Variants in CHRM3 observed in about 807,000 individuals in gnomAD.
The protein encoded by CHRM3 is cholinergic receptor muscarinic 3.
CHRM3 carries 11 observed loss-of-function variants against 41.8 expected under a neutral mutation model. That is an observed-to-expected ratio of 0.26 (90% CI 0.17 to 0.44). CHRM3 has a LOEUF of 0.44. Ranked by LOEUF, CHRM3 falls within the 20% of genes least tolerant of loss-of-function variation. The probability of loss-of-function intolerance (pLI) is 1.00; values close to 1 mark genes in which losing one functional copy is unlikely to be tolerated. For synonymous variants in CHRM3, 297 were observed against 301.4 expected (o/e 0.99, Z 0.15); for missense variants, 571 against 745.4 (o/e 0.77, Z 2.72).
chr1:239,774,440 G>C lies in CHRM3; in HGVS notation c.-146-52812G>C, dbSNP rs374094876. On this transcript the variant is annotated intron_variant, in intron 5 of 6. Coordinates refer to ENST00000676153, the MANE Select transcript of CHRM3 (RefSeq NM_001375978.1). ...CATGAAAGCCAATTAGTCTTTCAATGTGGGGAAAAGAAAGATTTTTATAAT... is the reference window on the plus strand; with the variant it reads ...CATGAAAGCCAATTAGTCTTTCAATCTGGGGAAAAGAAAGATTTTTATAAT... Among the ~76,000 whole-genome samples the C allele has an allele frequency of 4.6e-5, 7 of 152,278 alleles. No homozygotes were observed. The South Asian group carries it at 8.3e-4, about 18-fold the overall frequency.
intron 1 of CHRM3, among the ~76,000 whole-genome samples, chr1:239,491,665 G>A (rs1001741503): frequency 3.3e-5 from 5 of 152,160 alleles, no homozygotes; most frequent in African/African-American, 7.2e-5. Flanking sequence ...GATGTCTCTC[G>A]GACATACTGA....
intron 1 of CHRM3, among the ~76,000 whole-genome samples, chr1:239,419,825 G>A (rs894245867): frequency 6.6e-6 from 1 of 152,124 alleles, no homozygotes; most frequent in African/African-American, 2.4e-5. Flanking sequence ...AGAGCTTCTC[G>A]AGGGAACCAT....
chr1:239,704,863 A>G (rs1264827012), intron 5 of CHRM3: 1 of 152,226 alleles, frequency 6.6e-6, no homozygotes, highest in African/African-American at 2.4e-5. Flanking sequence ...ATAATCATAA[A>G]TTCTATAGGC....
chr1:239,779,994 T>A (rs1183498474), intron 5 of CHRM3, among the ~76,000 whole-genome samples: 3 of 152,234 alleles, frequency 2.0e-5, no homozygotes, highest in African/African-American at 7.2e-5. Flanking sequence ...TTGAATAATA[T>A]TCCATTGTAC....
intron 5 of CHRM3, among the ~76,000 whole-genome samples, chr1:239,763,295 A>G (rs944467512): frequency 5.3e-5 from 8 of 152,250 alleles, no homozygotes; most frequent in African/African-American, 1.9e-4. Context: ...TTTTCAATGC[A>G]TGCTTTACTA....
intron 1 of CHRM3, among the ~76,000 whole-genome samples, chr1:239,477,106 C>G (rs1666517124): frequency 6.6e-6 from 1 of 152,148 alleles, no homozygotes; most frequent in Non-Finnish European, 1.5e-5. Context: ...TTCATTATTA[C>G]TTAAAATATG....
At chr1:239,620,983 T>C (rs1668297079) in intron 3 of CHRM3, among the ~76,000 whole-genome samples, 2 of 152,206 alleles carry the variant, frequency 1.3e-5, no homozygotes, top group East Asian at 3.9e-4. Context: ...TTTTTACAGA[T>C]TGAAGATTTG....
chr1:239,531,807 C>A (rs1022250238), intron 2 of CHRM3, among the ~76,000 whole-genome samples: 2 of 143,848 alleles, frequency 1.4e-5, no homozygotes, highest in African/African-American at 5.1e-5. Flanking sequence ...CCACAGGCAC[C>A]CGCCACCACA....
chr1:239,479,012 G>A (rs1572437484), intron 1 of CHRM3, among the ~76,000 whole-genome samples: 1 of 152,030 alleles, frequency 6.6e-6, no homozygotes, highest in South Asian at 2.1e-4. Context: ...GGGAAACCCT[G>A]TCTCTATGAA....
intron 2 of CHRM3, among the ~76,000 whole-genome samples, chr1:239,539,036 T>G (rs1658478882): frequency 6.6e-6 from 1 of 152,192 alleles, no homozygotes; most frequent in African/African-American, 2.4e-5. Flanking sequence ...TTATCCAGAA[T>G]ATCACCATTT....
chr1:239,449,408 A>G (rs1047703358), intron 1 of CHRM3, among the ~76,000 whole-genome samples: 1 of 152,210 alleles, frequency 6.6e-6, no homozygotes, highest in African/African-American at 2.4e-5. Flanking sequence ...AGACTGGAAC[A>G]ATACAATCCA....
intron 3 of CHRM3, among the ~76,000 whole-genome samples, chr1:239,575,331 AG>A (rs891187176): frequency 1.7e-4 from 26 of 152,266 alleles, no homozygotes; most frequent in Admixed American, 6.5e-4. Context: ...AGGGTTGTTG[AG>A]GGTGTTTCTT....
intron 5 of CHRM3, among the ~76,000 whole-genome samples, chr1:239,740,829 A>C (rs1664786351): frequency 6.6e-6 from 1 of 152,222 alleles, no homozygotes; most frequent in African/African-American, 2.4e-5. Context: ...AATGCTGGTG[A>C]GGCTGTGGAG....
chr1:239,784,593 T>C (rs1363449978), intron 5 of CHRM3, among the ~76,000 whole-genome samples: 1 of 152,234 alleles, frequency 6.6e-6, no homozygotes, highest in Admixed American at 6.5e-5. Flanking sequence ...ATACATTAGC[T>C]GTAATTATTA....
At chr1:239,898,909 A>G (rs2102994712) in intron 6 of CHRM3, among the ~76,000 whole-genome samples, 1 of 152,238 alleles carries the variant, frequency 6.6e-6, no homozygotes, top group Non-Finnish European at 1.5e-5. Flanking sequence ...TTTTTGCCAT[A>G]ACTAGGGGGA....
chr1:239,690,997 C>T (rs1479381954), intron 5 of CHRM3, among the ~76,000 whole-genome samples: 2 of 152,050 alleles, frequency 1.3e-5, no homozygotes. Flanking sequence ...CTTTGGTTAG[C>T]TGTAACCATT....
intron 5 of CHRM3, among the ~76,000 whole-genome samples, chr1:239,814,188 T>G (rs892774435): frequency 6.6e-6 from 1 of 152,230 alleles, no homozygotes; most frequent in African/African-American, 2.4e-5. Flanking sequence ...AATTTTAAAG[T>G]GAGAACTTTA....
In CHRM3 at chr1:239,832,901, G is replaced by A. The variant is rs1463173970; in HGVS notation, c.-20+5523G>A. Reference sequence around the variant, plus strand: ...CTGAGTCTGGGTCTGTTTAGTTAACGTCATCAATCTGTTCCCTTTACCGTA... The same window carrying A: ...CTGAGTCTGGGTCTGTTTAGTTAACATCATCAATCTGTTCCCTTTACCGTA... On this transcript the variant is annotated intron_variant, in intron 6 of 6. Coordinates refer to ENST00000676153, the MANE Select transcript of CHRM3 (RefSeq NM_001375978.1). 3.9e-5 allele frequency among the ~76,000 whole-genome samples: 6 copies of A among 152,104 alleles called. No individual in the cohort carries two copies. The East Asian group carries it at 9.6e-4, about 24-fold the overall frequency.
chr1:239,530,055 G>A (rs1670287467), intron 2 of CHRM3, among the ~76,000 whole-genome samples: 1 of 151,960 alleles, frequency 6.6e-6, no homozygotes. Context: ...CCGCCACCAT[G>A]CCCAGCTAAT....
Sources: allele counts gnomAD v4.1 joint callset (sites outside exome capture counted in the v4.1 genomes callset), GRCh38; gene constraint gnomAD v4.1.1; transcripts MANE v1.5; gene names NCBI Gene and HGNC (gene_info 2026-07-23, HGNC 2026-07-21).